Variants in EPHX2 observed in about 807,000 individuals in gnomAD.
EPHX2 encodes bifunctional epoxide hydrolase 2.
EPHX2 carries 74 observed loss-of-function variants against 78.7 expected under a neutral mutation model. The observed-to-expected ratio is 0.94, with a 90% CI of 0.78 to 1.14. The LOEUF is 1.14. EPHX2 is among the 50% of genes most tolerant of loss of function. The probability of loss-of-function intolerance (pLI) is 0.00; values close to 1 mark genes in which losing one functional copy is unlikely to be tolerated. For missense variants in EPHX2, 715 were observed against 702.5 expected (o/e 1.02, Z -0.20); for synonymous variants, 251 against 255.2 (o/e 0.98, Z 0.16).
chr8:27,498,152 C>G (rs1390742658), intron 1 of EPHX2, among the ~76,000 whole-genome samples: 1 of 152,196 alleles, frequency 6.6e-6, no homozygotes, highest in Non-Finnish European at 1.5e-5. Flanking sequence ...CCAGGTCTAC[C>G]TTGATCTGCT....
At chr8:27,505,779 T>C (rs1432962297) in intron 4 of EPHX2, among the ~76,000 whole-genome samples, 1 of 152,088 alleles carries the variant, frequency 6.6e-6, no homozygotes, top group East Asian at 1.9e-4. Flanking sequence ...TTGCTTCTTC[T>C]CTTCTCAGTG....
chr8:27,505,222 G>C, intron 4 of EPHX2, 76 bp downstream of exon 4: 1 of 1,472,736 alleles, frequency 6.8e-7, no homozygotes, highest in Non-Finnish European at 9.3e-7. Flanking sequence ...GGAGTGAGCA[G>C]GTGGGATGCA....
intron 11 of EPHX2, among the ~76,000 whole-genome samples, chr8:27,523,230 A>G (rs947051269): frequency 4.6e-5 from 7 of 152,158 alleles, no homozygotes; most frequent in Non-Finnish European, 8.8e-5. Context: ...GGCATTCTCA[A>G]CCACAAAGTG....
At chr8:27,546,408 G>A (rs34355295), downstream of EPHX2, among the ~76,000 whole-genome samples, 1,863 of 152,264 alleles carry the variant, frequency 0.012, 36 homozygotes, top group African/African-American at 0.041. Flanking sequence ...CTTAGGACAA[G>A]ACCTCTAAGG....
chr8:27,515,308 G>C (rs1050902809), intron 6 of EPHX2, among the ~76,000 whole-genome samples: 9 of 152,216 alleles, frequency 5.9e-5, no homozygotes, highest in African/African-American at 2.2e-4. Context: ...CTAAGGAAAA[G>C]TCTTGCAACA....
In EPHX2 at chr8:27,505,134, C is replaced by T; in HGVS notation, c.525C>T (p.Ala175=). Residue 175 remains alanine, a synonymous_variant, in exon 4 of 19, where the codon GCC becomes GCT. Transcript: ENST00000521400. The part of the protein sequence containing the change: ...IYKFLLDTLK[A]SPSEVVFLDD... The stretch of plus-strand genomic sequence containing the variant: ...AGTTTCTGCTGGACACCCTGAAGGC[C>T]AGCCCCAGTGAGGTACGGAGACACT... 2 of 1,614,112 alleles carry T rather than the reference C, an allele frequency of 1.2e-6. No individual in the cohort carries two copies. The highest frequency in any genetic ancestry group is 2.2e-5 in the East Asian group (1 of 44,890).
At position 27,495,375 on chromosome 8, in the gene EPHX2, A is replaced by G. The variant is rs72473993; in HGVS notation, c.101+4066A>G. ...AACTATGGTATAACCTGCCCTTCATATCCCATTCTCCACAAATGAACTTCC... is the reference window on the plus strand; with the variant it reads ...AACTATGGTATAACCTGCCCTTCATGTCCCATTCTCCACAAATGAACTTCC... On this transcript the variant is annotated intron_variant, in intron 1 of 18. Coordinates refer to ENST00000521400, the MANE Select transcript of EPHX2 (RefSeq NM_001979.6). Among the ~76,000 whole-genome samples the G allele has an allele frequency of 2.6e-3, 399 of 152,324 alleles. 1 individual carries two copies. The highest frequency in any genetic ancestry group is 9.1e-3 in the African/African-American group (380 of 41,558).
intron 1 of EPHX2, among the ~76,000 whole-genome samples, chr8:27,499,113 A>G (rs1310563716): frequency 2.6e-5 from 4 of 152,108 alleles, no homozygotes; most frequent in African/African-American, 9.7e-5. Flanking sequence ...CACTTCTTAT[A>G]AAGCCACTAG....
intron 12 of EPHX2, among the ~76,000 whole-genome samples, chr8:27,534,923 G>A (rs574287880): frequency 2.6e-5 from 4 of 152,308 alleles, no homozygotes; most frequent in Admixed American, 1.3e-4. Flanking sequence ...GTTTGGGTCC[G>A]GTGTTGAAGG....
chr8:27,499,567 C>T (rs897110373), intron 1 of EPHX2, among the ~76,000 whole-genome samples: 1 of 152,166 alleles, frequency 6.6e-6, no homozygotes, highest in African/African-American at 2.4e-5. Flanking sequence ...TTTTAACTGG[C>T]TTGCCACTTC....
At chr8:27,529,211 TG>T (rs1399676498) in intron 12 of EPHX2, among the ~76,000 whole-genome samples, 1 of 152,234 alleles carries the variant, frequency 6.6e-6, no homozygotes, top group Non-Finnish European at 1.5e-5. Context: ...AATCTTGGCC[TG>T]GGAATCTGCC....
intron 1 of EPHX2, among the ~76,000 whole-genome samples, chr8:27,491,621 C>T (rs753709781): frequency 4.6e-5 from 7 of 152,232 alleles, no homozygotes; most frequent in African/African-American, 1.4e-4. Flanking sequence ...CTTAAAGATG[C>T]GAGCCGAGAT....
intron 2 of EPHX2, among the ~76,000 whole-genome samples, chr8:27,502,945 G>A (rs942960920): frequency 6.6e-6 from 1 of 152,170 alleles, no homozygotes; most frequent in Non-Finnish European, 1.5e-5. Flanking sequence ...CCAGTTTGGG[G>A]CTTGCTATGG....
At chr8:27,520,781 T>G (rs1237310327) in intron 9 of EPHX2, 102 bp from the exon 10 acceptor site, 10 of 1,416,582 alleles carry the variant, frequency 7.1e-6, no homozygotes, top group Non-Finnish European at 1.0e-5. Flanking sequence ...GGGTTAGGAC[T>G]TCAACACAGC....
At chr8:27,523,553 C>T (rs569549613) in intron 11 of EPHX2, among the ~76,000 whole-genome samples, 2 of 152,178 alleles carry the variant, frequency 1.3e-5, no homozygotes, top group Non-Finnish European at 2.9e-5. Context: ...TTGTATTTGG[C>T]TAAGTTTATG....
chr8:27,498,461 A>G (rs746523697), intron 1 of EPHX2, among the ~76,000 whole-genome samples: 4 of 151,628 alleles, frequency 2.6e-5, no homozygotes, highest in Non-Finnish European at 4.4e-5. Flanking sequence ...ATTCAGTGGT[A>G]TCTTCTTCCT....
At chr8:27,518,264 T>G (rs1814530055) in intron 9 of EPHX2, among the ~76,000 whole-genome samples, 192 bp downstream of exon 9, 1 of 152,174 alleles carries the variant, frequency 6.6e-6, no homozygotes, top group African/African-American at 2.4e-5. Context: ...TGTCAGGTCT[T>G]CCTCCAAGCA....
At chr8:27,491,551 G>A (rs1182506432) in intron 1 of EPHX2, among the ~76,000 whole-genome samples, 1 of 152,254 alleles carries the variant, frequency 6.6e-6, no homozygotes. Context: ...TTTTCCAAAA[G>A]GGAGAGGAGT....
At chr8:27,513,760 A>G (rs886778229) in intron 6 of EPHX2, among the ~76,000 whole-genome samples, 1 of 152,236 alleles carries the variant, frequency 6.6e-6, no homozygotes, top group African/African-American at 2.4e-5. Flanking sequence ...CCACAGCTTC[A>G]TGATGAGATG....
Sources: allele counts gnomAD v4.1 joint callset (sites outside exome capture counted in the v4.1 genomes callset), GRCh38; gene constraint gnomAD v4.1.1; transcripts MANE v1.5; gene names NCBI Gene and HGNC (gene_info 2026-07-23, HGNC 2026-07-21).